The following CEACAM1 variants were observed in gnomAD, a reference collection of about 807,000 sequenced individuals.
CEACAM1 encodes the protein cell adhesion molecule CEACAM1.
A neutral mutation model predicts 49.1 loss-of-function variants in CEACAM1; 31 were observed. The observed-to-expected ratio is 0.63, with a 90% CI of 0.47 to 0.85. The LOEUF (loss-of-function observed/expected upper bound fraction) is 0.85, where lower values mean the gene tolerates loss of function less well. Among genes scored for constraint, CEACAM1 ranks in the 40% least tolerant of loss-of-function variants. The pLI is 0.00. For missense variants in CEACAM1, 570 were observed against 645.3 expected (o/e 0.88, Z 1.26); for synonymous variants, 244 against 247.8 (o/e 0.98, Z 0.14).
chr19:42,527,631 G>A, intron 1 of CEACAM1: 1 of 553,686 alleles, frequency 1.8e-6, no homozygotes, highest in Non-Finnish European at 3.0e-6. Context: ...CCCTTCCCCA[G>A]GGATCCGCAT....
At position 42,514,288 on chromosome 19, in the gene CEACAM1, C is replaced by T. The variant is rs530537195; in HGVS notation, c.1247-1809G>A. Among the ~76,000 whole-genome samples the T allele has an allele frequency of 6.6e-5, 10 of 152,094 alleles. No homozygotes were observed. In the South Asian group the frequency reaches 1.9e-3, roughly 28 times the overall value. ...CTGGGATTACAGGCATGCGCCACCA[C>T]GCCTGGCTAATTTTGTATTTTTAGT... On this transcript the variant is annotated intron_variant, in intron 5 of 8. Transcript: ENST00000161559.
At chr19:42,515,890 G>T (rs2041589053) in intron 5 of CEACAM1, among the ~76,000 whole-genome samples, 1 of 152,096 alleles carries the variant, frequency 6.6e-6, no homozygotes, top group East Asian at 1.9e-4. Context: ...CACAAAACCT[G>T]CCATGATAGA....
Position 42,521,511 on chromosome 19 carries a change from G to A in CEACAM1, c.714C>T (p.Asp238=), listed in dbSNP as rs1440105391. The A allele has an allele frequency of 6.2e-7, 1 of 1,613,770 alleles. No individual in the cohort carries two copies. The change falls in exon 4 of 9, where the codon GAC becomes GAT. Residue 238 remains aspartate, a synonymous_variant. Coordinates refer to ENST00000161559, the MANE Select transcript of CEACAM1 (RefSeq NM_001712.5). ...TGTCTGAAGGGGAAATGGTGGGGGT[G>A]TCCGGGCCATCTGGAGCAAAGAGAA... The part of the protein sequence containing the change: ...PVTLNVTYGP[D]TPTISPSDTY...
chr19:42,512,691 T>G (rs1256638533), intron 5 of CEACAM1, among the ~76,000 whole-genome samples: 2 of 151,938 alleles, frequency 1.3e-5, no homozygotes, highest in African/African-American at 4.8e-5. Context: ...TTCTTTTTTT[T>G]TTTTGAGACA....
At chr19:42,510,814 G>T in intron 8 of CEACAM1, 75 bp downstream of exon 8, 1 of 1,357,288 alleles carries the variant, frequency 7.4e-7, no homozygotes, top group Non-Finnish European at 1.1e-6. Context: ...GTTACATTGT[G>T]TCTTCATGAA....
chr19:42,518,496 CTT>C (rs71167399), intron 5 of CEACAM1: 168 of 136,092 alleles, frequency 1.2e-3, no homozygotes, highest in South Asian at 3.2e-3. Context: ...AGCCTGAGCT[CTT>C]TTTTTTTTTT....
In CEACAM1 at chr19:42,528,405, T is replaced by A; in HGVS notation, c.-31A>T. ...CTCCTGCTGGCCCTGTCTTCACCTG[T>A]GGAGGAGAGCTTGGGCTCCAGGAAC... On this transcript the variant is annotated 5_prime_UTR_variant, in exon 1 of 9. Transcript: ENST00000161559. 6.2e-7 allele frequency: 1 copy of A among 1,611,036 alleles called. No individual in the cohort carries two copies. The highest frequency in any genetic ancestry group is 8.5e-7 in the Non-Finnish European group (1 of 1,177,430).
At chr19:42,526,791 G>A (rs549900283) in intron 2 of CEACAM1, among the ~76,000 whole-genome samples, 4 of 152,218 alleles carry the variant, frequency 2.6e-5, no homozygotes, top group South Asian at 4.2e-4. Flanking sequence ...ATTGAGACTG[G>A]TCTCCCCTCG....
chr19:42,511,700 A>G, intron 6 of CEACAM1, 72 bp from the exon 7 acceptor site: 2 of 1,437,860 alleles, frequency 1.4e-6, no homozygotes, highest in South Asian at 2.3e-5. Context: ...TAGGAAGGAC[A>G]CTGTGAGCAG....
chr19:42,515,270 A>C (rs2041571628), intron 5 of CEACAM1, among the ~76,000 whole-genome samples: 1 of 152,178 alleles, frequency 6.6e-6, no homozygotes, highest in Non-Finnish European at 1.5e-5. Flanking sequence ...CTCAAAAACA[A>C]AACAAAAACC....
At chr19:42,515,838 A>G (rs188374068) in intron 5 of CEACAM1, among the ~76,000 whole-genome samples, 67 of 152,362 alleles carry the variant, frequency 4.4e-4, no homozygotes, top group African/African-American at 1.6e-3. Flanking sequence ...TTGAATGCCA[A>G]CAAATTGGAT....
At chr19:42,515,664 G>GA (rs57446562) in intron 5 of CEACAM1, among the ~76,000 whole-genome samples, 4 of 146,968 alleles carry the variant, frequency 2.7e-5, no homozygotes, top group South Asian at 2.1e-4. Context: ...GTCTCAAACC[G>GA]AAAAAAAAAA....
chr19:42,523,095 C>T (rs927447597), intron 2 of CEACAM1, among the ~76,000 whole-genome samples: 1 of 152,210 alleles, frequency 6.6e-6, no homozygotes, highest in African/African-American at 2.4e-5. Flanking sequence ...CTGATGCCTG[C>T]CTGACCCACC....
In CEACAM1 at chr19:42,509,247, GA is replaced by G; in HGVS notation, c.1462-20del. ...CATTCATCTGAAAAGCACAAATAATGATCAGTTAAGTCAGTGACACAGGGCA... is the reference window on the plus strand; with the variant it reads ...CATTCATCTGAAAAGCACAAATAATGTCAGTTAAGTCAGTGACACAGGGCA... On this transcript the variant is annotated intron_variant, in intron 8 of 8. Coordinates refer to ENST00000161559, the MANE Select transcript of CEACAM1 (RefSeq NM_001712.5). The G allele has an allele frequency of 6.3e-7, 1 of 1,593,806 alleles. No individual in the cohort carries two copies. Among genetic ancestry groups the G allele is most frequent in the South Asian group, 1.2e-5 (1 of 86,428 alleles).
intron 1 of CEACAM1, chr19:42,527,950 C>T (rs2041937479): frequency 4.0e-6 from 1 of 252,016 alleles, no homozygotes; most frequent in African/African-American, 2.3e-5. Flanking sequence ...TCTTCATGTC[C>T]TGGGGTTTAT....
At position 42,527,196 on chromosome 19, in the gene CEACAM1, G is replaced by A. The variant is rs1387291156; in HGVS notation, c.269C>T (p.Thr90Ile). The A allele has an allele frequency of 6.2e-7, 1 of 1,614,154 alleles. No individual in the cohort carries two copies. Among genetic ancestry groups the A allele is most frequent in the Admixed American group, 1.7e-5 (1 of 60,020 alleles). ...VGYAIGTQQATPGPANSGRET... is the reference protein window; with the variant it reads ...VGYAIGTQQAIPGPANSGRET... Reference sequence around the variant, plus strand: ...TCGACCGCTGTTTGCGGGCCCTGGGGTAGCTTGTTGAGTTCCTATTGCATA... The same window carrying A: ...TCGACCGCTGTTTGCGGGCCCTGGGATAGCTTGTTGAGTTCCTATTGCATA... The change falls in exon 2 of 9, where the codon ACC becomes ATC. Residue 90 changes from threonine to isoleucine, a missense_variant. By Grantham distance (89) the Thr-to-Ile change is moderately conservative. Coordinates refer to ENST00000161559, the MANE Select transcript of CEACAM1 (RefSeq NM_001712.5).
chr19:42,526,957 C>T (rs920018659), intron 2 of CEACAM1, 84 bp downstream of exon 2: 4 of 1,558,568 alleles, frequency 2.6e-6, no homozygotes, highest in Non-Finnish European at 3.5e-6. Flanking sequence ...GAGGAGGACA[C>T]AGGCACAGCC....
At position 42,525,120 on chromosome 19, in the gene CEACAM1, G is replaced by A. The variant is rs556418126; in HGVS notation, c.424+1921C>T. Among the ~76,000 whole-genome samples, 261 of 152,194 alleles carry A rather than the reference G, an allele frequency of 1.7e-3. 1 individual carries two copies. Among genetic ancestry groups the A allele is most frequent in the Non-Finnish European group, 3.0e-3 (204 of 68,010 alleles). ...GGTGTGAGTGAGGAGAGAAAGCAAAGTCCTTTCCTTTATCCTCCTGTGGGA... is the reference window on the plus strand; with the variant it reads ...GGTGTGAGTGAGGAGAGAAAGCAAAATCCTTTCCTTTATCCTCCTGTGGGA... On this transcript the variant is annotated intron_variant, in intron 2 of 8. Transcript: ENST00000161559.
rs754029150 is a variant in CEACAM1, at chr19:42,520,355, C to CTTTA, written c.958+908_958+911dup. On this transcript the variant is annotated intron_variant, in intron 4 of 8. Coordinates refer to ENST00000161559, the MANE Select transcript of CEACAM1 (RefSeq NM_001712.5). ...CAGGGGAGGCTCAGGTGTTGACTGCCTTTATTTATTTATTTATTTAGTTTT... is the reference window on the plus strand; with the variant it reads ...CAGGGGAGGCTCAGGTGTTGACTGCCTTTATTTATTTATTTATTTATTTAGTTTT... 1.6e-4 allele frequency among the ~76,000 whole-genome samples: 25 copies of CTTTA among 152,204 alleles called. 1 individual carries two copies. The highest frequency in any genetic ancestry group is 3.4e-3 in the Middle Eastern group (1 of 294).
Sources: gnomAD v4.1 joint callset for allele counts (sites outside exome capture counted in the v4.1 genomes callset) on GRCh38, gnomAD v4.1.1 for gene constraint, MANE v1.5 for transcripts, NCBI Gene and HGNC (gene_info 2026-07-23, HGNC 2026-07-21) for gene names.